The following LPIN1 variants were observed in gnomAD, a reference collection of about 807,000 sequenced individuals.
LPIN1 encodes the protein lipin 1.
In LPIN1, 71 loss-of-function variants were observed where a neutral mutation model predicts 107.5. That is an observed-to-expected ratio of 0.66 (90% CI 0.55 to 0.80). LPIN1 has a LOEUF of 0.80. Among genes scored for constraint, LPIN1 ranks in the 30% least tolerant of loss-of-function variants. LPIN1 has a pLI of 0.00. For synonymous variants in LPIN1, 445 were observed against 452.6 expected (o/e 0.98, Z 0.21); for missense variants, 1,043 against 1,160.6 (o/e 0.90, Z 1.47).
chr2:11,812,782 G>A (rs1417231663), intron 17 of LPIN1, among the ~76,000 whole-genome samples: 2 of 152,170 alleles, frequency 1.3e-5, no homozygotes, highest in Non-Finnish European at 2.9e-5. Flanking sequence ...AGTGTGAGTG[G>A]GCTACGCTTT....
chr2:11,758,393 G>A (rs1407082448), intron 1 of LPIN1, among the ~76,000 whole-genome samples: 3 of 152,126 alleles, frequency 2.0e-5, no homozygotes, highest in African/African-American at 7.2e-5. Flanking sequence ...CAGTGGACAA[G>A]AGTTCCAGTT....
chr2:11,762,651 TATC>T (rs1336258462), intron 1 of LPIN1, among the ~76,000 whole-genome samples: 1 of 152,178 alleles, frequency 6.6e-6, no homozygotes, highest in Non-Finnish European at 1.5e-5. Flanking sequence ...GAAAATGAAA[TATC>T]ATAACAAAAG....
chr2:11,749,769 T>G (rs958818126), intron 1 of LPIN1, among the ~76,000 whole-genome samples: 2 of 152,176 alleles, frequency 1.3e-5, no homozygotes, highest in Admixed American at 1.3e-4. Flanking sequence ...TGGACTGGGC[T>G]CCATCAGGAG....
intron 1 of LPIN1, among the ~76,000 whole-genome samples, chr2:11,725,069 G>A (rs978457577): frequency 6.6e-5 from 10 of 152,096 alleles, no homozygotes; most frequent in East Asian, 1.9e-4. Flanking sequence ...AGACCATCCC[G>A]GCTAAAACAG....
Position 11,697,460 on chromosome 2 carries a change from T to C in LPIN1, c.82-16296T>C, listed in dbSNP as rs1381233003. Among the ~76,000 whole-genome samples the C allele has an allele frequency of 1.3e-5, 2 of 152,196 alleles. No individual in the cohort carries two copies. Among genetic ancestry groups the C allele is most frequent in the Non-Finnish European group, 2.9e-5 (2 of 68,034 alleles). On this transcript the variant is annotated intron_variant, in intron 1 of 21. Coordinates refer to the LPIN1 transcript ENST00000449576. The surrounding 1 kb of genome is among the most constrained non-coding windows in gnomAD (Gnocchi z 4.6). The stretch of plus-strand genomic sequence containing the variant: ...AGGAGCTGTGCTCGGCTCCTGCTTC[T>C]CCCTGGTTTGGCCTAGAAGCTGGAA...
intron 1 of LPIN1, among the ~76,000 whole-genome samples, chr2:11,759,746 A>G (rs1325919971): frequency 1.3e-5 from 2 of 151,694 alleles, no homozygotes; most frequent in Non-Finnish European, 2.9e-5. Flanking sequence ...CTCACTTCCC[A>G]GAAGGGGCGG....
intron 1 of LPIN1, among the ~76,000 whole-genome samples, chr2:11,736,079 T>A (rs1340860701): frequency 2.0e-5 from 3 of 152,312 alleles, no homozygotes; most frequent in Admixed American, 2.0e-4. Flanking sequence ...GGGTTCCAGT[T>A]TCTATGGCTG....
intron 1 of LPIN1, among the ~76,000 whole-genome samples, chr2:11,756,114 T>C (rs145449138): frequency 6.6e-6 from 1 of 152,098 alleles, no homozygotes; most frequent in Non-Finnish European, 1.5e-5. Context: ...ATTGAGACAG[T>C]TTTGCATTTG....
intron 1 of LPIN1, among the ~76,000 whole-genome samples, chr2:11,687,475 C>T (rs753684376): frequency 4.3e-4 from 66 of 151,736 alleles, no homozygotes; most frequent in Non-Finnish European, 7.9e-4. Context: ...ATAGCATGGA[C>T]AGCAAGGCAG....
intron 1 of LPIN1, among the ~76,000 whole-genome samples, chr2:11,753,926 A>C (rs1335372881): frequency 1.3e-5 from 2 of 152,156 alleles, no homozygotes; most frequent in Admixed American, 1.3e-4. Flanking sequence ...GGCGAACACC[A>C]GTAACAGCGT....
intron 1 of LPIN1, among the ~76,000 whole-genome samples, chr2:11,706,487 T>C (rs1368791468): frequency 6.6e-6 from 1 of 152,250 alleles, no homozygotes; most frequent in African/African-American, 2.4e-5. Context: ...CCAATGTCAT[T>C]AGATGAACTT....
chr2:11,730,884 A>G (rs548854458), intron 1 of LPIN1, among the ~76,000 whole-genome samples: 1 of 152,110 alleles, frequency 6.6e-6, no homozygotes, highest in Non-Finnish European at 1.5e-5. Flanking sequence ...GTCTTTCTGC[A>G]TGTCACTCTC....
At chr2:11,742,978 G>A (rs544953649), upstream of LPIN1, among the ~76,000 whole-genome samples, 7 of 152,364 alleles carry the variant, frequency 4.6e-5, no homozygotes, top group Admixed American at 3.9e-4. Context: ...GTCGGTGCCT[G>A]CTTAGGCCAC....
At chr2:11,708,335 T>C (rs1428557807) in intron 1 of LPIN1, among the ~76,000 whole-genome samples, 1 of 152,022 alleles carries the variant, frequency 6.6e-6, no homozygotes, top group African/African-American at 2.4e-5. Context: ...GAAGGCCCCA[T>C]GGAGAGCTGG....
intron 1 of LPIN1, among the ~76,000 whole-genome samples, chr2:11,694,243 T>C (rs984522448): frequency 2.0e-5 from 3 of 152,152 alleles, no homozygotes; most frequent in Admixed American, 6.5e-5. Flanking sequence ...ACTTCATAGA[T>C]TGTACAGAAT....
intron 14 of LPIN1, among the ~76,000 whole-genome samples, chr2:11,800,660 C>A (rs537609633): frequency 6.6e-6 from 1 of 151,992 alleles, no homozygotes; most frequent in Non-Finnish European, 1.5e-5. Flanking sequence ...GGTCAGAAAG[C>A]TGTAGGTTGC....
chr2:11,716,988 A>G (rs1486568739), intron 2 of LPIN1, among the ~76,000 whole-genome samples: 1 of 152,110 alleles, frequency 6.6e-6, no homozygotes, highest in Non-Finnish European at 1.5e-5. Flanking sequence ...ACTGGAAACC[A>G]TATTTTGCTT....
chr2:11,750,640 T>C (rs1415542554), intron 1 of LPIN1, among the ~76,000 whole-genome samples: 2 of 152,238 alleles, frequency 1.3e-5, no homozygotes, highest in Non-Finnish European at 2.9e-5. Context: ...AACAGTCCTA[T>C]GAGGTGGCTG....
In LPIN1 at chr2:11,784,926, G is replaced by A. The variant is rs1234211528; in HGVS notation, c.1399G>A (p.Gly467Arg). 1.2e-6 allele frequency: 2 copies of A among 1,613,946 alleles called. No homozygotes were observed. Among genetic ancestry groups the A allele is most frequent in the African/African-American group, 1.3e-5 (1 of 75,048 alleles). The change falls in exon 10 of 21, where the codon GGA becomes AGA. Residue 467 changes from glycine (G) to arginine (R), a missense_variant. Gly to Arg is a moderately radical substitution (Grantham distance 125). Coordinates refer to ENST00000674199, the MANE Select transcript of LPIN1 (RefSeq NM_001349206.2). The part of the protein sequence containing the change: ...SGLAKHASDN[G>R]ARSANQSPQS... ...ACTCGCAAAACATGCAAGCGACAAC[G>A]GAGCCCGGTCAGCCAACCAGTCCCC... is the stretch of plus-strand genomic sequence containing the variant.
Sources: allele counts gnomAD v4.1 joint callset (sites outside exome capture counted in the v4.1 genomes callset), GRCh38; gene constraint gnomAD v4.1.1; non-coding constraint Gnocchi (gnomAD v3.1); transcripts MANE v1.5; gene names NCBI Gene and HGNC (gene_info 2026-07-23, HGNC 2026-07-21).